The following CNTNAP2 variants were observed in gnomAD, a reference collection of about 807,000 sequenced individuals.
The protein encoded by CNTNAP2 is contactin-associated protein-like 2.
A neutral mutation model predicts 155.2 loss-of-function variants in CNTNAP2; 98 were observed. The observed-to-expected ratio is 0.63, with a 90% CI of 0.54 to 0.75. The LOEUF (loss-of-function observed/expected upper bound fraction) is 0.75. Ranked by LOEUF, CNTNAP2 falls within the 30% of genes least tolerant of loss-of-function variation. The pLI, the probability that CNTNAP2 is intolerant of heterozygous loss-of-function variation, is 0.00. For missense variants in CNTNAP2, 1,727 were observed against 1,688.1 expected (o/e 1.02, Z -0.40); for synonymous variants, 651 against 631.2 (o/e 1.03, Z -0.47).
chr7:146,768,640 C>T (rs904379470), intron 1 of CNTNAP2, among the ~76,000 whole-genome samples: 2 of 151,832 alleles, frequency 1.3e-5, no homozygotes, highest in African/African-American at 2.4e-5. Flanking sequence ...GTGATGTGTT[C>T]AACTCAGAAT....
intron 1 of CNTNAP2, among the ~76,000 whole-genome samples, chr7:146,454,848 ATG>A (rs1796532758): frequency 6.6e-6 from 1 of 152,106 alleles, no homozygotes; most frequent in Non-Finnish European, 1.5e-5. Context: ...ATACATATAT[ATG>A]TTAGCTTAGA....
intron 1 of CNTNAP2, among the ~76,000 whole-genome samples, chr7:146,224,970 C>T (rs986059920): frequency 3.3e-5 from 5 of 151,782 alleles, no homozygotes; most frequent in Non-Finnish European, 4.4e-5. Flanking sequence ...CACTCAATTA[C>T]ATTCTGGATG....
At chr7:147,295,714 G>A (rs1167063603) in intron 8 of CNTNAP2, among the ~76,000 whole-genome samples, 1 of 152,100 alleles carries the variant, frequency 6.6e-6, no homozygotes, top group Non-Finnish European at 1.5e-5. Flanking sequence ...ATAAGAAATT[G>A]GGTCTTCCTT....
At chr7:146,855,852 T>C (rs71530762) in intron 3 of CNTNAP2, among the ~76,000 whole-genome samples, 3,866 of 98,202 alleles carry the variant, frequency 0.039, 76 homozygotes, top group African/African-American at 0.06. Context: ...TATATATATA[T>C]ACACACTTAC....
chr7:147,427,395 CAGAT>C (rs926354622), intron 10 of CNTNAP2, among the ~76,000 whole-genome samples: 4 of 152,152 alleles, frequency 2.6e-5, no homozygotes, highest in Admixed American at 6.5e-5. Context: ...GTTCTTTCAA[CAGAT>C]AGAGATAAGA....
intron 14 of CNTNAP2, among the ~76,000 whole-genome samples, chr7:147,953,441 G>T (rs1159498544): frequency 2.6e-5 from 3 of 115,014 alleles, no homozygotes; most frequent in African/African-American, 5.5e-5. Flanking sequence ...CTAGATGATG[G>T]GTTGATAAGG....
At chr7:146,597,194 T>G (rs1447104818) in intron 1 of CNTNAP2, among the ~76,000 whole-genome samples, 1 of 152,022 alleles carries the variant, frequency 6.6e-6, no homozygotes, top group African/African-American at 2.4e-5. Flanking sequence ...TCATTATCAT[T>G]ATAGTTTGGT....
chr7:147,555,794 A>G (rs1447073043), intron 11 of CNTNAP2, among the ~76,000 whole-genome samples: 1 of 152,214 alleles, frequency 6.6e-6, no homozygotes, highest in African/African-American at 2.4e-5. Flanking sequence ...CTCTCAAAGC[A>G]CGAGGAGTAG....
At chr7:146,937,177 G>A (rs897533878) in intron 3 of CNTNAP2, among the ~76,000 whole-genome samples, 4 of 151,762 alleles carry the variant, frequency 2.6e-5, no homozygotes, top group East Asian at 1.9e-4. Flanking sequence ...CACGAGGTCA[G>A]GAGATTAAGA....
At chr7:147,289,274 A>G (rs145021248) in intron 8 of CNTNAP2, among the ~76,000 whole-genome samples, 208 of 152,252 alleles carry the variant, frequency 1.4e-3, no homozygotes, top group Admixed American at 2.5e-3. Flanking sequence ...ACCACACCCC[A>G]TCTTAGATCT....
intron 1 of CNTNAP2, among the ~76,000 whole-genome samples, chr7:146,191,914 G>T (rs757329865): frequency 6.6e-6 from 1 of 152,110 alleles, no homozygotes; most frequent in Middle Eastern, 3.4e-3. Context: ...ATCATCACAG[G>T]GTCTTGAGGC....
intron 15 of CNTNAP2, among the ~76,000 whole-genome samples, chr7:147,980,456 A>C (rs1801502000): frequency 6.6e-6 from 1 of 152,196 alleles, no homozygotes; most frequent in Non-Finnish European, 1.5e-5. Context: ...ATTTTACCTG[A>C]TATTTCATGA....
intron 15 of CNTNAP2, among the ~76,000 whole-genome samples, chr7:148,051,971 C>G (rs1308155679): frequency 6.6e-6 from 1 of 152,060 alleles, no homozygotes; most frequent in Non-Finnish European, 1.5e-5. Flanking sequence ...AACCCTGTCT[C>G]TACTAAAAAT....
chr7:148,292,909 T>C (rs181996833), intron 21 of CNTNAP2, among the ~76,000 whole-genome samples: 1 of 152,274 alleles, frequency 6.6e-6, no homozygotes, highest in African/African-American at 2.4e-5. Context: ...CATGTTGGCC[T>C]GACAAGTAGC....
chr7:146,778,414 A>C (rs1038551746), intron 2 of CNTNAP2, among the ~76,000 whole-genome samples: 11 of 152,210 alleles, frequency 7.2e-5, no homozygotes, highest in African/African-American at 2.4e-4. Context: ...AGATGTTTAA[A>C]TGAAAAATCC....
chr7:147,421,630 TAC>T (rs1341918367), intron 10 of CNTNAP2, among the ~76,000 whole-genome samples: 3 of 149,334 alleles, frequency 2.0e-5, no homozygotes, highest in Non-Finnish European at 4.5e-5. Flanking sequence ...GAGATATATA[TAC>T]ATAAAGATAT....
intron 1 of CNTNAP2, among the ~76,000 whole-genome samples, chr7:146,638,583 C>G (rs940325446): frequency 1.4e-5 from 2 of 145,022 alleles, no homozygotes; most frequent in Non-Finnish European, 3.0e-5. Flanking sequence ...CTCCCGGGTT[C>G]ACGCCATTCT....
chr7:146,805,591 G>A (rs1197797281), intron 2 of CNTNAP2, among the ~76,000 whole-genome samples: 1 of 152,128 alleles, frequency 6.6e-6, no homozygotes, highest in Non-Finnish European at 1.5e-5. Context: ...CAGCAAGAGG[G>A]AGGGATGGAT....
intron 8 of CNTNAP2, among the ~76,000 whole-genome samples, chr7:147,287,892 C>T (rs1338717404): frequency 6.6e-6 from 1 of 152,218 alleles, no homozygotes; most frequent in East Asian, 1.9e-4. Context: ...CAGTGCTAAC[C>T]TCCGTCCAAA....
Sources: gnomAD v4.1 joint callset for allele counts (sites outside exome capture counted in the v4.1 genomes callset) on GRCh38, gnomAD v4.1.1 for gene constraint, MANE v1.5 for transcripts, NCBI Gene and HGNC (gene_info 2026-07-23, HGNC 2026-07-21) for gene names.